The following STXBP2 variants were observed in gnomAD, a reference collection of about 807,000 sequenced individuals.
STXBP2 encodes the protein syntaxin binding protein 2, also known as syntaxin-binding protein 2.
A neutral mutation model predicts 72.2 loss-of-function variants in STXBP2; 47 were observed. The ratio of observed to expected loss-of-function variants is 0.65; its 90% CI spans 0.51 to 0.83. The LOEUF is 0.83. Ranked by LOEUF, STXBP2 falls within the 40% of genes least tolerant of loss-of-function variation. STXBP2 has a pLI of 0.00. For synonymous variants in STXBP2, 367 were observed against 338.7 expected (o/e 1.08, Z -0.92); for missense variants, 702 against 807.6 (o/e 0.87, Z 1.58).
chr19:7,636,969 C>A (rs1014852444), upstream of STXBP2: 2 of 576,570 alleles, frequency 3.5e-6, no homozygotes, highest in Non-Finnish European at 2.6e-6. Context: ...GACGCACCTG[C>A]CCGTCCTCCC....
intron 15 of STXBP2, 54 bp downstream of exon 15, chr19:7,645,360 G>A (rs1052669380): frequency 1.9e-5 from 29 of 1,515,000 alleles, no homozygotes; most frequent in South Asian, 1.8e-4. Context: ...GATCACAGCC[G>A]GGGCTCTGCA....
At chr19:7,639,236 G>A (rs1407152263) in intron 3 of STXBP2, 136 bp downstream of exon 3, 16 of 924,154 alleles carry the variant, frequency 1.7e-5, no homozygotes, top group Middle Eastern at 2.2e-4. Context: ...CTCCCTGCAC[G>A]GACAGCCCGG....
chr19:7,630,505 C>A, the STXBP2 span: 3 of 1,290,804 alleles, frequency 2.3e-6, no homozygotes, highest in Non-Finnish European at 3.3e-6. Flanking sequence ...GATGGGTCCC[C>A]CAGGCTCTGA....
At chr19:7,638,628 G>T in intron 1 of STXBP2, 98 bp from the exon 2 acceptor site, 1 of 1,303,184 alleles carries the variant, frequency 7.7e-7, no homozygotes, top group South Asian at 1.2e-5. Context: ...AAGTAAATGG[G>T]AATTAAGATG....
the STXBP2 span, chr19:7,630,793 T>C: frequency 2.6e-6 from 4 of 1,537,228 alleles, no homozygotes; most frequent in Non-Finnish European, 3.5e-6. Flanking sequence ...GGCCTTTGGC[T>C]CGTGTCCCAT....
rs536056219 is a variant in STXBP2 at position 7,637,112 on chromosome 19, G to C, written c.-38G>C. On this transcript the variant is annotated 5_prime_UTR_variant, in exon 1 of 19. Transcript: ENST00000221283. ...GCGCGGGGCCACGCCCCCACCTTGG[G>C]ACACACCCGGAAGCGGCGGCGGCGC... 6.0e-5 allele frequency: 74 copies of C among 1,234,482 alleles called. No individual in the cohort carries two copies. The African/African-American group carries it at 1.1e-3, about 18-fold the overall frequency. The allele number at this position is 1,234,482 out of a possible 1,614,324, so 76.5% of individuals were successfully genotyped here.
chr19:7,632,340 C>T (rs1274736364), upstream of STXBP2: 27 of 1,605,100 alleles, frequency 1.7e-5, no homozygotes, highest in Middle Eastern at 1.7e-4. This position sits in a 1 kb window ranked among gnomAD's most constrained non-coding sequence, Gnocchi z 5.2. Flanking sequence ...AGGGCAGGAT[C>T]GGAGAGCACT....
intron 16 of STXBP2, chr19:7,646,575 G>A (rs2032147507): frequency 4.9e-6 from 3 of 612,994 alleles, no homozygotes. Flanking sequence ...CCTGCCGGCT[G>A]CCTCCGCTAT....
In STXBP2 at chr19:7,645,187, C is replaced by T. The variant is rs61407177; in HGVS notation, c.1247-10C>T. The T allele has an allele frequency of 0.013, 19,992 of 1,555,264 alleles. 939 individuals carry two copies. In the Admixed American group the frequency reaches 0.15, roughly 11 times the overall value. On this transcript the variant is annotated splice_polypyrimidine_tract_variant and intron_variant, in intron 14 of 18. Transcript: ENST00000221283. ...CCGCCGCCTCCACCCTGCCCATTCC[C>T]GTCCCCCAGGTGTGAGTGAGGAGAA...
chr19:7,639,918 G>A (rs770480397), intron 4 of STXBP2, 111 bp downstream of exon 4: 18 of 1,191,460 alleles, frequency 1.5e-5, no homozygotes, highest in Non-Finnish European at 2.2e-5. Flanking sequence ...ACGTGTGCAT[G>A]TGTCCATGTG....
Position 7,639,051 on chromosome 19 carries a change from C to T in STXBP2, c.120C>T (p.Ile40=), listed in dbSNP as rs576999371. 4 of 1,614,264 alleles carry T rather than the reference C, an allele frequency of 2.5e-6. No individual in the cohort carries two copies. In the South Asian group the frequency reaches 4.4e-5, roughly 18 times the overall value. ...VLIMDHPSMR[I]LSSCCKMSDI... ...TCATGGATCACCCAAGCATGCGCAT[C>T]TTGTCTTCCTGCTGCAAAATGTCAG... Residue 40 remains isoleucine (I), a synonymous_variant, in exon 3 of 19, where the codon ATC becomes ATT. Transcript: ENST00000221283.
chr19:7,646,679 T>A, intron 16 of STXBP2: 1 of 433,944 alleles, frequency 2.3e-6, no homozygotes, highest in Non-Finnish European at 4.3e-6. Context: ...CCAATGGCAA[T>A]GGGCCTGGGG....
Position 7,642,898 on chromosome 19 carries a change from T to C in STXBP2, c.960+75T>C. On this transcript the variant is annotated intron_variant, in intron 11 of 18. Coordinates refer to ENST00000221283, the MANE Select transcript of STXBP2 (RefSeq NM_006949.4). The surrounding 1 kb of genome is among the most constrained non-coding windows in gnomAD (Gnocchi z 6.0). ...TCCCCATGGGCGCAGGGCCACAGCC[T>C]GGATTTCGAGCCTGGACTGAGACCC... The C allele has an allele frequency of 1.2e-6, 2 of 1,613,190 alleles. No individual in the cohort carries two copies. The highest frequency in any genetic ancestry group is 1.7e-6 in the Non-Finnish European group (2 of 1,179,152).
At chr19:7,631,558 G>A in the STXBP2 span, 1 of 1,535,410 alleles carries the variant, frequency 6.5e-7, no homozygotes, top group East Asian at 2.4e-5. Flanking sequence ...AACTCCTGAG[G>A]CCTCCAAGTG....
rs200887480 is a variant in STXBP2, at chr19:7,642,555, C to T, written c.902+19C>T. On this transcript the variant is annotated intron_variant, in intron 10 of 18. Coordinates refer to ENST00000221283, the MANE Select transcript of STXBP2 (RefSeq NM_006949.4). The surrounding 1 kb of genome is among the most constrained non-coding windows in gnomAD (Gnocchi z 6.0). The stretch of plus-strand genomic sequence containing the variant: ...TGTCCAAGTGCGTGCACACGGGGAC[C>T]GGATCCCCCCCCCACCGCCCACTGT... The T allele has an allele frequency of 1.0e-4, 161 of 1,610,628 alleles. No individual in the cohort carries two copies. The highest frequency in any genetic ancestry group is 2.3e-4 in the African/African-American group (17 of 74,806).
chr19:7,631,408 GTGGT>G, the STXBP2 span: 3 of 914,332 alleles, frequency 3.3e-6, no homozygotes, highest in Non-Finnish European at 4.6e-6. Flanking sequence ...GCGGGGGGGG[GTGGT>G]CCCGGCTCTG....
intron 3 of STXBP2, 108 bp downstream of exon 3, chr19:7,639,208 G>C: frequency 8.4e-7 from 1 of 1,185,482 alleles, no homozygotes; most frequent in Non-Finnish European, 1.2e-6. Flanking sequence ...AAATCGTCCA[G>C]AACTCCCAAG....
the STXBP2 span, chr19:7,631,382 G>T: frequency 1.4e-6 from 2 of 1,393,826 alleles, no homozygotes; most frequent in South Asian, 1.4e-5. Context: ...CTGGGGCAGG[G>T]TGGTGGGAGA....
At chr19:7,640,454 ATGTG>A (rs367797728) in intron 4 of STXBP2, 2 of 620,114 alleles carry the variant, frequency 3.2e-6, no homozygotes, top group Admixed American at 2.3e-5. Flanking sequence ...GTGTGTATGT[ATGTG>A]TGTGCATCTC....
Sources: allele counts gnomAD v4.1 joint callset, GRCh38; gene constraint gnomAD v4.1.1; non-coding constraint Gnocchi (gnomAD v3.1); transcripts MANE v1.5; gene names NCBI Gene and HGNC (gene_info 2026-07-23, HGNC 2026-07-21).